Variants in PTPRK observed in about 807,000 individuals in gnomAD.
PTPRK encodes receptor-type tyrosine-protein phosphatase kappa.
In PTPRK, 75 loss-of-function variants were observed where a neutral mutation model predicts 178.0. The ratio of observed to expected loss-of-function variants is 0.42; its 90% CI spans 0.35 to 0.51. The LOEUF is 0.51. Ranked by LOEUF, PTPRK falls within the 20% of genes least tolerant of loss-of-function variation. PTPRK has a pLI of 0.02. For missense variants in PTPRK, 1,441 were observed against 1,797.8 expected (o/e 0.80, Z 3.59); for synonymous variants, 637 against 620.6 (o/e 1.03, Z -0.39).
intron 2 of PTPRK, among the ~76,000 whole-genome samples, chr6:128,369,043 C>G (rs1410293703): frequency 6.7e-6 from 1 of 148,946 alleles, no homozygotes; most frequent in Non-Finnish European, 1.5e-5. Flanking sequence ...TTTAAAGAGC[C>G]TTGGCTTTGC....
chr6:128,166,077 G>A (rs936414936), intron 7 of PTPRK, among the ~76,000 whole-genome samples: 6 of 151,312 alleles, frequency 4.0e-5, no homozygotes, highest in Non-Finnish European at 5.9e-5. Context: ...ACTGTTCATC[G>A]GAGACACAGC....
rs1333492216 is a variant in PTPRK, at chr6:128,453,376, C to T, written c.101-55688G>A. On this transcript the variant is annotated intron_variant, in intron 1 of 29. Transcript: ENST00000368226. ...CCTTTGCTGGACCCATAACTTTAGA[C>T]AAGTAGATAAATTTTAGCTTCTGTT... 2.0e-5 allele frequency among the ~76,000 whole-genome samples: 3 copies of T among 152,232 alleles called. No homozygotes were observed. The East Asian group carries it at 5.8e-4, about 29-fold the overall frequency.
chr6:128,100,442 T>C (rs1788600096), intron 7 of PTPRK, among the ~76,000 whole-genome samples: 1 of 151,978 alleles, frequency 6.6e-6, no homozygotes, highest in Non-Finnish European at 1.5e-5. Flanking sequence ...AAAGCTTTCA[T>C]AGTGCTGCTA....
chr6:128,496,752 T>C (rs914080772), intron 1 of PTPRK, among the ~76,000 whole-genome samples: 7 of 152,182 alleles, frequency 4.6e-5, no homozygotes, highest in African/African-American at 7.2e-5. Context: ...TGCTTCTTGG[T>C]TTATGAAAAG....
chr6:128,288,048 C>T (rs945898444), intron 3 of PTPRK, among the ~76,000 whole-genome samples: 5 of 152,226 alleles, frequency 3.3e-5, no homozygotes, highest in African/African-American at 1.2e-4. Flanking sequence ...CAAATCTCTA[C>T]TGGAGGCTTT....
At chr6:128,139,803 A>G (rs1356923462) in intron 7 of PTPRK, among the ~76,000 whole-genome samples, 2 of 152,012 alleles carry the variant, frequency 1.3e-5, no homozygotes, top group Non-Finnish European at 2.9e-5. Flanking sequence ...ACTTCTCCCA[A>G]TCTAAATGCT....
intron 3 of PTPRK, among the ~76,000 whole-genome samples, chr6:128,266,928 G>A (rs1384075242): frequency 6.6e-6 from 1 of 152,084 alleles, no homozygotes; most frequent in Non-Finnish European, 1.5e-5. Context: ...TAAACAATCT[G>A]AGTGAAAATT....
At chr6:128,189,965 G>C (rs1803475960) in intron 6 of PTPRK, among the ~76,000 whole-genome samples, 1 of 151,818 alleles carries the variant, frequency 6.6e-6, no homozygotes, top group African/African-American at 2.4e-5. Flanking sequence ...CAACAAGTTG[G>C]TAACATAATT....
intron 7 of PTPRK, among the ~76,000 whole-genome samples, chr6:128,159,661 G>T (rs1056260950): frequency 2.6e-5 from 4 of 151,594 alleles, no homozygotes; most frequent in African/African-American, 9.7e-5. Flanking sequence ...GTACCAATTT[G>T]CAACTCTTGT....
At chr6:128,063,961 G>A (rs1361043431) in intron 13 of PTPRK, among the ~76,000 whole-genome samples, 1 of 152,074 alleles carries the variant, frequency 6.6e-6, no homozygotes, top group Non-Finnish European at 1.5e-5. Context: ...TACTAATTCC[G>A]GCAGCAAACC....
At chr6:128,434,812 G>A (rs891583754) in intron 1 of PTPRK, among the ~76,000 whole-genome samples, 1 of 151,838 alleles carries the variant, frequency 6.6e-6, no homozygotes, top group Non-Finnish European at 1.5e-5. Context: ...TTGAGGCCAG[G>A]AGTTCAACAC....
chr6:128,465,484 A>C (rs76902451), intron 1 of PTPRK, among the ~76,000 whole-genome samples: 2,502 of 152,320 alleles, frequency 0.016, 29 homozygotes, highest in Non-Finnish European at 0.027. Flanking sequence ...TTCATATACC[A>C]TGTTTAAAAA....
intron 7 of PTPRK, among the ~76,000 whole-genome samples, chr6:128,159,389 C>T (rs140824163): frequency 7.0e-4 from 106 of 151,916 alleles, no homozygotes; most frequent in Middle Eastern, 6.8e-3. Context: ...AAGTGATTTT[C>T]ATCACCTTCT....
At chr6:128,300,414 CAT>C (rs1421987032) in intron 3 of PTPRK, among the ~76,000 whole-genome samples, 2 of 151,988 alleles carry the variant, frequency 1.3e-5, no homozygotes, top group Non-Finnish European at 1.5e-5. Flanking sequence ...TATAAAGACA[CAT>C]ACACACGTAT....
intron 7 of PTPRK, among the ~76,000 whole-genome samples, chr6:128,148,864 T>G (rs1796866592): frequency 6.6e-6 from 1 of 152,224 alleles, no homozygotes; most frequent in African/African-American, 2.4e-5. Flanking sequence ...GAAAATTTAT[T>G]TGCATGTTAA....
At chr6:128,496,780 G>C (rs138080945) in intron 1 of PTPRK, among the ~76,000 whole-genome samples, 8 of 152,224 alleles carry the variant, frequency 5.3e-5, no homozygotes, top group African/African-American at 1.9e-4. Context: ...GTTACACAAG[G>C]TATAATAAAC....
intron 2 of PTPRK, among the ~76,000 whole-genome samples, chr6:128,368,507 C>T (rs1214238603): frequency 1.3e-5 from 2 of 152,074 alleles, no homozygotes; most frequent in African/African-American, 4.8e-5. Flanking sequence ...TCCTAATTTT[C>T]CCCCAATGAA....
At chr6:128,448,405 C>T (rs1847310711) in intron 1 of PTPRK, among the ~76,000 whole-genome samples, 1 of 152,148 alleles carries the variant, frequency 6.6e-6, no homozygotes, top group South Asian at 2.1e-4. Flanking sequence ...CTCAATTAAG[C>T]TGAGCTGTAA....
intron 2 of PTPRK, among the ~76,000 whole-genome samples, chr6:128,396,079 T>C (rs1023111602): frequency 1.4e-4 from 22 of 152,024 alleles, no homozygotes; most frequent in African/African-American, 5.3e-4. Flanking sequence ...ATCACATTGA[T>C]CAGCAAGTTC....
Sources: gnomAD v4.1 joint callset for allele counts (sites outside exome capture counted in the v4.1 genomes callset) on GRCh38, gnomAD v4.1.1 for gene constraint, MANE v1.5 for transcripts, NCBI Gene and HGNC (gene_info 2026-07-23, HGNC 2026-07-21) for gene names.